The following LRP1 variants were observed in gnomAD, a reference collection of about 807,000 sequenced individuals.
LRP1 encodes the protein LDL receptor related protein 1.
In LRP1, 51 loss-of-function variants were observed where a neutral mutation model predicts 541.5. The observed-to-expected ratio is 0.09, with a 90% CI of 0.08 to 0.12. LRP1 has a LOEUF of 0.12. Among genes scored for constraint, LRP1 ranks in the 10% least tolerant of loss-of-function variants. The pLI is 1.00. For synonymous variants in LRP1, 2,219 were observed against 2,470.8 expected (o/e 0.90, Z 3.02); for missense variants, 3,878 against 6,376.2 (o/e 0.61, Z 13.34).
chr12:57,179,661 G>C lies in LRP1; in HGVS notation c.4966+105G>C. The C allele has an allele frequency of 6.4e-6, 9 of 1,409,292 alleles. No individual in the cohort carries two copies. The highest frequency in any genetic ancestry group is 3.0e-6 in the Non-Finnish European group (3 of 1,009,474). 87.3% of individuals were successfully genotyped at this position (1,409,292 alleles called of 1,614,324 possible). A position where few individuals can be genotyped will look rare whatever the true frequency, so the allele number is the denominator to read the frequency against. On this transcript the variant is annotated intron_variant, in intron 29 of 88. Coordinates refer to ENST00000243077, the MANE Select transcript of LRP1 (RefSeq NM_002332.3). This position sits in a 1 kb window ranked among gnomAD's most constrained non-coding sequence, Gnocchi z 6.8. ...TCCGAGTGGTCCTTCTCCCAGTCCT[G>C]TTCCCCCTCAGTGCTCCAGCCTGGT...
At chr12:57,129,476 G>T (rs1416928387) in intron 1 of LRP1, among the ~76,000 whole-genome samples, 3 of 151,974 alleles carry the variant, frequency 2.0e-5, no homozygotes, top group Non-Finnish European at 4.4e-5. Flanking sequence ...TCTGTAGCTC[G>T]AAAGGGGAGC....
In LRP1 at chr12:57,162,030, C is replaced by T. The variant is rs61461775; in HGVS notation, c.2203-287C>T. On this transcript the variant is annotated intron_variant, in intron 13 of 88. Coordinates refer to ENST00000243077, the MANE Select transcript of LRP1 (RefSeq NM_002332.3). The surrounding 1 kb of genome is among the most constrained non-coding windows in gnomAD (Gnocchi z 5.2). ...GTGTGTGTGTGTGCACGTATGTGTG[C>T]GTGTGTGTGTTTGGGGACTATGAAT... Among the ~76,000 whole-genome samples the T allele has an allele frequency of 0.033, 5,050 of 151,786 alleles. 226 individuals are homozygous for T. Among genetic ancestry groups the T allele is most frequent in the African/African-American group, 0.098 (4,052 of 41,338 alleles).
In LRP1 at chr12:57,180,654, C is replaced by T. The variant is rs372974582; in HGVS notation, c.5387-13C>T. ...GGCCTTCCCAAGGGTCTCATCCCCT[C>T]CTGCTGCCCCAGGGGACAAGCTGTG... On this transcript the variant is annotated splice_polypyrimidine_tract_variant and intron_variant, in intron 32 of 88. Coordinates refer to ENST00000243077, the MANE Select transcript of LRP1 (RefSeq NM_002332.3). The T allele has an allele frequency of 2.5e-6, 4 of 1,613,920 alleles. No individual in the cohort carries two copies. The Admixed American group carries it at 6.7e-5, about 27-fold the overall frequency.
chr12:57,194,222 C>T, intron 48 of LRP1, 132 bp from the exon 49 acceptor site: 5 of 1,118,160 alleles, frequency 4.5e-6, no homozygotes, highest in Non-Finnish European at 6.2e-6. Context: ...GCAGATGGTG[C>T]AGACAGTGCC....
intron 6 of LRP1, among the ~76,000 whole-genome samples, chr12:57,152,133 G>T (rs1016256008): frequency 6.6e-6 from 1 of 152,116 alleles, no homozygotes; most frequent in African/African-American, 2.4e-5. Flanking sequence ...CTGAGGCTGG[G>T]GGGGCTGATT....
intron 20 of LRP1, among the ~76,000 whole-genome samples, chr12:57,170,997 G>A (rs1294109020): frequency 2.1e-4 from 32 of 152,168 alleles, no homozygotes; most frequent in Non-Finnish European, 2.9e-5. Flanking sequence ...AGGGAGGACA[G>A]AGAAGGCCAC....
In LRP1 at chr12:57,155,055, CG is replaced by C. The variant is rs2035593745; in HGVS notation, c.1227+357del. 7.6e-6 allele frequency: 4 copies of C among 527,826 alleles called. No homozygotes were observed. In the South Asian group the frequency reaches 1.0e-4, roughly 14 times the overall value. The allele number at this position is 527,826 out of a possible 1,614,324, so 32.7% of individuals were successfully genotyped here. A position where few individuals can be genotyped will look rare whatever the true frequency, so the allele number is the denominator to read the frequency against. ...GGTGATTTGCCTGTGTTTACAAAGC[CG>C]GGTGATAGCACTGGAACTTGTTCTA... is the stretch of plus-strand genomic sequence containing the variant. On this transcript the variant is annotated intron_variant, in intron 8 of 88. Transcript: ENST00000243077.
chr12:57,152,728 T>C (rs976849773), intron 6 of LRP1, among the ~76,000 whole-genome samples: 4 of 152,134 alleles, frequency 2.6e-5, no homozygotes, highest in Admixed American at 6.5e-5. Flanking sequence ...ATACCTCGTC[T>C]CTGTGGCCTT....
At chr12:57,140,220 G>T (rs115348647) in intron 2 of LRP1, among the ~76,000 whole-genome samples, 1 of 152,090 alleles carries the variant, frequency 6.6e-6, no homozygotes, top group Non-Finnish European at 1.5e-5. Flanking sequence ...GACTATAGGC[G>T]TGAGCCACCA....
chr12:57,170,676 C>T (rs768293543), intron 20 of LRP1, among the ~76,000 whole-genome samples: 1 of 152,084 alleles, frequency 6.6e-6, no homozygotes, highest in Non-Finnish European at 1.5e-5. Flanking sequence ...ACAAAATTAG[C>T]TGGGCATGGA....
rs1367992153 is a variant in LRP1 at position 57,178,463 on chromosome 12, G to C, written c.4466G>C (p.Gly1489Ala). 6.2e-7 allele frequency: 1 copy of C among 1,614,110 alleles called. No individual in the cohort carries two copies. ...SHPFAVTLYG[G>A]EVYWTDWRTN... is the part of the protein sequence containing the mutation. ...CCGTTTGCAGTGACGCTGTACGGGG[G>C]GGAGGTCTACTGGACTGACTGGCGA... is the stretch of plus-strand genomic sequence containing the variant. The change falls in exon 27 of 89, where the codon GGG (glycine) becomes GCG (alanine). Residue 1489 changes from glycine to alanine, a missense_variant. Coordinates refer to ENST00000243077, the MANE Select transcript of LRP1 (RefSeq NM_002332.3). This position sits in a 1 kb window ranked among gnomAD's most constrained non-coding sequence, Gnocchi z 5.8.
At position 57,183,814 on chromosome 12, in the gene LRP1, C is replaced by T. The variant is rs773920979; in HGVS notation, c.5834C>T (p.Thr1945Met). ...TIYWVDMGLS[T>M]ISRAKRDQTW... is the part of the protein sequence containing the mutation. ...TACTGGGTGGACATGGGCCTGAGCA[C>T]GATCAGCCGGGCCAAGCGGGACCAG... The change falls in exon 36 of 89, where the codon ACG becomes ATG. Residue 1945 changes from threonine to methionine, a missense_variant. Thr to Met is a moderately conservative substitution (Grantham distance 81). This residue lies in a region of LRP1 where 394 missense variants were observed against 635.9 expected (regional missense o/e 0.62). Transcript: ENST00000243077. This position sits in a 1 kb window ranked among gnomAD's most constrained non-coding sequence, Gnocchi z 6.1. The T allele has an allele frequency of 8.2e-5, 132 of 1,614,014 alleles. No individual in the cohort carries two copies. Among genetic ancestry groups the T allele is most frequent in the Non-Finnish European group, 1.1e-4 (125 of 1,180,048 alleles).
intron 6 of LRP1, chr12:57,147,351 C>G (rs1270247374): frequency 2.0e-5 from 3 of 152,450 alleles, no homozygotes; most frequent in African/African-American, 4.8e-5. Context: ...TCCCCTAGCC[C>G]CTCCCCCAGT....
rs769275525 is a variant in LRP1 at position 57,154,656 on chromosome 12, G to A, written c.1182G>A (p.Val394=). The part of the protein sequence containing the change: ...ADAYLDYIEV[V]DYEGKGRQTI... The stretch of plus-strand genomic sequence containing the variant: ...CCTATCTGGACTATATTGAAGTGGT[G>A]GACTATGAGGGCAAGGGCCGCCAGA... The change falls in exon 8 of 89, where the codon GTG becomes GTA. Residue 394 remains valine (V), a synonymous_variant. Coordinates refer to ENST00000243077, the MANE Select transcript of LRP1 (RefSeq NM_002332.3). This position sits in a 1 kb window ranked among gnomAD's most constrained non-coding sequence, Gnocchi z 4.6. The A allele has an allele frequency of 1.3e-5, 21 of 1,584,836 alleles. No individual in the cohort carries two copies. Among genetic ancestry groups the A allele is most frequent in the East Asian group, 6.9e-5 (3 of 43,184 alleles).
chr12:57,203,611 T>C lies in LRP1; in HGVS notation c.10951+90T>C, dbSNP rs538879059. 5.1e-6 allele frequency: 7 copies of C among 1,377,792 alleles called. No homozygotes were observed. The Admixed American group carries it at 2.1e-4, about 40-fold the overall frequency. The allele number at this position is 1,377,792 out of a possible 1,614,324, so 85.3% of individuals were successfully genotyped here. Reference sequence around the variant, plus strand: ...TCATTCACTCATTCTTTCTCTTCTGTATTCATTCTTCATGCAACAAATATT... The same window carrying C: ...TCATTCACTCATTCTTTCTCTTCTGCATTCATTCTTCATGCAACAAATATT... On this transcript the variant is annotated intron_variant, in intron 70 of 88. Transcript: ENST00000243077.
rs77774518 is a variant in LRP1, at chr12:57,156,502, C to T, written c.1417+219C>T. Among the ~76,000 whole-genome samples the T allele has an allele frequency of 2.1e-3, 316 of 152,328 alleles. 6 individuals are homozygous for T. The East Asian group carries it at 0.053, about 26-fold the overall frequency. ...ACTCAGCCTCCAGATCCCACTCTGTCCCTCCCATTCCCCTTGCCAGTCTGG... is the reference window on the plus strand; with the variant it reads ...ACTCAGCCTCCAGATCCCACTCTGTTCCTCCCATTCCCCTTGCCAGTCTGG... On this transcript the variant is annotated intron_variant, in intron 9 of 88. Transcript: ENST00000243077. This position sits in a 1 kb window ranked among gnomAD's most constrained non-coding sequence, Gnocchi z 5.2.
intron 1 of LRP1, among the ~76,000 whole-genome samples, chr12:57,131,111 T>A (rs1161477020): frequency 6.6e-6 from 1 of 152,162 alleles, no homozygotes; most frequent in Non-Finnish European, 1.5e-5. Flanking sequence ...TGAACTTTCT[T>A]GTTTACTTTC....
chr12:57,149,532 C>T (rs567282470), intron 6 of LRP1: 23 of 645,234 alleles, frequency 3.6e-5, no homozygotes, highest in South Asian at 3.5e-4. Context: ...TTTTAGAGCC[C>T]GGCAAGGATT....
In LRP1 at chr12:57,181,212, C is replaced by T. The variant is rs774700852; in HGVS notation, c.5583C>T (p.Cys1861=). 2.4e-5 allele frequency: 39 copies of T among 1,613,704 alleles called. No individual in the cohort carries two copies. Among genetic ancestry groups the T allele is most frequent in the East Asian group, 4.5e-5 (2 of 44,892 alleles). The part of the protein sequence containing the change: ...SVNNGDCSQL[C]LPTSETTRSC... ...ACAACGGTGACTGCTCCCAGCTCTGCCTGCCCACGTCAGAGACGACCCGCT... is the reference window on the plus strand; with the variant it reads ...ACAACGGTGACTGCTCCCAGCTCTGTCTGCCCACGTCAGAGACGACCCGCT... Residue 1861 remains cysteine, a synonymous_variant, in exon 34 of 89, where the codon TGC becomes TGT. Coordinates refer to ENST00000243077, the MANE Select transcript of LRP1 (RefSeq NM_002332.3).
Sources: allele counts gnomAD v4.1 joint callset (sites outside exome capture counted in the v4.1 genomes callset), GRCh38; gene constraint gnomAD v4.1.1; regional missense constraint gnomAD v4.1.1; non-coding constraint Gnocchi (gnomAD v3.1); transcripts MANE v1.5; gene names NCBI Gene and HGNC (gene_info 2026-07-23, HGNC 2026-07-21).